The following VPS53 variants were observed in gnomAD, a reference collection of about 807,000 sequenced individuals.
VPS53 encodes VPS53 subunit of GARP complex, also known as vacuolar protein sorting-associated protein 53 homolog.
In VPS53, 70 loss-of-function variants were observed where a neutral mutation model predicts 107.0. The ratio of observed to expected loss-of-function variants is 0.65; its 90% CI spans 0.54 to 0.80. VPS53 has a LOEUF of 0.80. Among genes scored for constraint, VPS53 ranks in the 30% least tolerant of loss-of-function variants. The probability of loss-of-function intolerance (pLI) is 0.00; values close to 1 mark genes in which losing one functional copy is unlikely to be tolerated. For synonymous variants in VPS53, 409 were observed against 393.3 expected, an observed-to-expected ratio of 1.04 and a Z score of -0.47; for missense variants, 917 against 1,049.4, an observed-to-expected ratio of 0.87 and a Z score of 1.74.
intron 12 of VPS53, among the ~76,000 whole-genome samples, chr17:599,254 C>T (rs946001151): frequency 6.6e-6 from 1 of 152,056 alleles, no homozygotes; most frequent in Non-Finnish European, 1.5e-5. Context: ...GGAGGTGTAC[C>T]CAACAGCTCA....
chr17:664,083 A>AT (rs1367207658), intron 4 of VPS53, among the ~76,000 whole-genome samples: 17 of 150,202 alleles, frequency 1.1e-4, no homozygotes, highest in Admixed American at 2.0e-4. Context: ...GAGTAAGATG[A>AT]TTTTTTTTTT....
chr17:519,998 G>A lies in VPS53; in HGVS notation c.2224-68C>T, dbSNP rs1908601874. On this transcript the variant is annotated intron_variant, in intron 20 of 21. Coordinates refer to ENST00000437048, the MANE Select transcript of VPS53 (RefSeq NM_001128159.3). The surrounding 1 kb of genome is among the most constrained non-coding windows in gnomAD (Gnocchi z 5.0). ...CCACCACGGGAGGAGACAGGAGCGGGCCCTCAAGAAAACTCACTACCCACC... is the reference window on the plus strand; with the variant it reads ...CCACCACGGGAGGAGACAGGAGCGGACCCTCAAGAAAACTCACTACCCACC... The A allele has an allele frequency of 8.4e-7, 1 of 1,190,604 alleles. No individual in the cohort carries two copies. Among genetic ancestry groups the A allele is most frequent in the Non-Finnish European group, 1.2e-6 (1 of 823,280 alleles). The allele number at this position is 1,190,604 out of a possible 1,614,324, so 73.8% of individuals were successfully genotyped here. A position where few individuals can be genotyped will look rare whatever the true frequency, so the allele number is the denominator to read the frequency against.
chr17:617,284 T>C (rs983832957), intron 11 of VPS53, among the ~76,000 whole-genome samples: 4 of 152,176 alleles, frequency 2.6e-5, no homozygotes, highest in African/African-American at 9.7e-5. Context: ...GGCAGGAGCA[T>C]GGCTTGGGAA....
chr17:545,889 A>G (rs1911147224), intron 17 of VPS53, among the ~76,000 whole-genome samples: 1 of 152,214 alleles, frequency 6.6e-6, no homozygotes, highest in Admixed American at 6.5e-5. Context: ...TAAGGGACCT[A>G]GAAGAGCCAA....
chr17:686,024 A>G (rs990630247), intron 4 of VPS53, among the ~76,000 whole-genome samples: 1 of 150,726 alleles, frequency 6.6e-6, no homozygotes, highest in Admixed American at 6.6e-5. Flanking sequence ...AAAAACAGAG[A>G]GAGAAGAGAA....
At chr17:585,957 A>G (rs745345550) in intron 13 of VPS53, among the ~76,000 whole-genome samples, 2 of 152,166 alleles carry the variant, frequency 1.3e-5, no homozygotes, top group African/African-American at 2.4e-5. Flanking sequence ...CTTTCTTCCA[A>G]TACCCAGTGC....
intron 3 of VPS53, among the ~76,000 whole-genome samples, chr17:698,900 G>T (rs1973088539): frequency 6.6e-6 from 1 of 152,036 alleles, no homozygotes; most frequent in Admixed American, 6.6e-5. Context: ...GGGTGCGGTG[G>T]CTCACCCCTG....
At chr17:612,535 T>G (rs1256028252) in intron 11 of VPS53, among the ~76,000 whole-genome samples, 3 of 141,412 alleles carry the variant, frequency 2.1e-5, no homozygotes, top group Non-Finnish European at 3.0e-5. Flanking sequence ...AATATTCACA[T>G]AGTGAGTTCA....
intron 4 of VPS53, among the ~76,000 whole-genome samples, chr17:669,464 A>T (rs939994240): frequency 1.3e-5 from 2 of 152,014 alleles, no homozygotes; most frequent in Admixed American, 1.3e-4. Flanking sequence ...GTGCTAGTAC[A>T]TGCCTATAGT....
intron 7 of VPS53, among the ~76,000 whole-genome samples, chr17:637,434 T>C (rs576882416): frequency 6.6e-6 from 1 of 152,236 alleles, no homozygotes; most frequent in Non-Finnish European, 1.5e-5. Flanking sequence ...TCTGCTCTGA[T>C]CTTAGTTATT....
In VPS53 at chr17:519,742, C is replaced by G; in HGVS notation, c.2328+84G>C. 1.9e-6 allele frequency: 2 copies of G among 1,041,838 alleles called. No individual in the cohort carries two copies. Among genetic ancestry groups the G allele is most frequent in the South Asian group, 2.9e-5 (2 of 69,470 alleles). 64.5% of individuals were successfully genotyped at this position (1,041,838 alleles called of 1,614,324 possible). Reference sequence around the variant, plus strand: ...CACATGCATTTTGAGAAAGCCCCCCCGGAACTTATATCCCAATTCCCGGTT... The same window carrying G: ...CACATGCATTTTGAGAAAGCCCCCCGGGAACTTATATCCCAATTCCCGGTT... On this transcript the variant is annotated intron_variant, in intron 21 of 21. Transcript: ENST00000437048. This position sits in a 1 kb window ranked among gnomAD's most constrained non-coding sequence, Gnocchi z 5.0.
chr17:704,695 C>A (rs1973334188), intron 2 of VPS53, among the ~76,000 whole-genome samples: 1 of 152,098 alleles, frequency 6.6e-6, no homozygotes, highest in South Asian at 2.1e-4. Flanking sequence ...TATCATATAC[C>A]TGGGGCATAA....
chr17:696,973 T>C (rs902945078), intron 4 of VPS53, among the ~76,000 whole-genome samples: 5 of 152,104 alleles, frequency 3.3e-5, no homozygotes, highest in Admixed American at 6.6e-5. Flanking sequence ...GGCCAACTTG[T>C]AAAATTTTTT....
At position 572,550 on chromosome 17, in the gene VPS53, G is replaced by A. The variant is rs865889446; in HGVS notation, c.1314-9805C>T. 9.2e-5 allele frequency among the ~76,000 whole-genome samples: 14 copies of A among 151,938 alleles called. No individual in the cohort carries two copies. The East Asian group carries it at 1.3e-3, about 15-fold the overall frequency. ...GTGTGCCCAAGAGCTTATTGAGAAC[G>A]GGCCATGATGACAATGGCGGTTTTG... On this transcript the variant is annotated intron_variant, in intron 13 of 21. Transcript: ENST00000437048.
intron 11 of VPS53, among the ~76,000 whole-genome samples, chr17:605,249 G>C (rs191699781): frequency 2.0e-4 from 31 of 152,304 alleles, no homozygotes; most frequent in African/African-American, 7.5e-4. Flanking sequence ...GCACTGTAGT[G>C]GTGAGAAGAA....
intron 7 of VPS53, among the ~76,000 whole-genome samples, chr17:634,641 C>T (rs1305722358): frequency 3.4e-5 from 5 of 148,610 alleles, no homozygotes; most frequent in African/African-American, 1.2e-4. Context: ...TGAGAACATG[C>T]AGTGTTTGGT....
At chr17:684,833 A>G (rs1456413230) in intron 4 of VPS53, among the ~76,000 whole-genome samples, 1 of 152,030 alleles carries the variant, frequency 6.6e-6, no homozygotes, top group African/African-American at 2.4e-5. Flanking sequence ...TAAAGAATAC[A>G]AAAAATTAGC....
chr17:529,806 G>A (rs1337940723), intron 19 of VPS53, among the ~76,000 whole-genome samples: 3 of 151,914 alleles, frequency 2.0e-5, no homozygotes, highest in Admixed American at 6.6e-5. Context: ...CACTTTGGGA[G>A]GCTGAGGAGG....
intron 10 of VPS53, 27 bp from the exon 11 acceptor site, chr17:623,701 A>G (rs1969568177): frequency 5.0e-6 from 8 of 1,591,906 alleles, no homozygotes; most frequent in Non-Finnish European, 6.9e-6. Context: ...TAAGAATACT[A>G]TCAAACAAGC....
Sources: allele counts gnomAD v4.1 joint callset (sites outside exome capture counted in the v4.1 genomes callset), GRCh38; gene constraint gnomAD v4.1.1; non-coding constraint Gnocchi (gnomAD v3.1); transcripts MANE v1.5; gene names NCBI Gene and HGNC (gene_info 2026-07-23, HGNC 2026-07-21).